TAFA4: variants seen among roughly 807,000 people sequenced by gnomAD.
TAFA4 encodes the protein chemokine-like protein TAFA-4.
In TAFA4, 20 loss-of-function variants were observed where a neutral mutation model predicts 21.1. The observed-to-expected ratio is 0.95, with a 90% CI of 0.67 to 1.38. The LOEUF is 1.38. Among genes scored for constraint, TAFA4 ranks in the 40% most tolerant of loss-of-function variants. TAFA4 has a pLI of 0.00. For missense variants in TAFA4, 211 were observed against 180.9 expected (o/e 1.17, Z -0.95); for synonymous variants, 71 against 67.4 (o/e 1.05, Z -0.26).
intron 3 of TAFA4, among the ~76,000 whole-genome samples, chr3:68,813,866 A>C (rs147697422): frequency 0.37 from 56,187 of 151,890 alleles, 11,171 homozygotes; most frequent in Non-Finnish European, 0.45. Context: ...ACAACAAAAA[A>C]AGAGAATTTT....
At chr3:68,810,005 A>C (rs1703797249) in intron 3 of TAFA4, among the ~76,000 whole-genome samples, 1 of 152,168 alleles carries the variant, frequency 6.6e-6, no homozygotes. Context: ...TTTTCTAATC[A>C]TGATGCCTCT....
At chr3:68,924,210 C>CA (rs1261045764) in intron 1 of TAFA4, among the ~76,000 whole-genome samples, 8 of 152,046 alleles carry the variant, frequency 5.3e-5, no homozygotes, top group African/African-American at 1.9e-4. Flanking sequence ...GCATGACGTG[C>CA]AATAGCCAAA....
chr3:68,824,746 A>G (rs765445095), intron 3 of TAFA4, among the ~76,000 whole-genome samples: 2 of 152,184 alleles, frequency 1.3e-5, no homozygotes, highest in Admixed American at 6.5e-5. Flanking sequence ...ACAGATGACA[A>G]TTTTGAAGCT....
At chr3:68,809,971 C>T (rs1053403642) in intron 3 of TAFA4, among the ~76,000 whole-genome samples, 5 of 152,170 alleles carry the variant, frequency 3.3e-5, no homozygotes, top group Admixed American at 6.5e-5. Flanking sequence ...TTGCTTGTAG[C>T]AGATTTTCAA....
intron 3 of TAFA4, among the ~76,000 whole-genome samples, chr3:68,768,526 A>C (rs1296634357): frequency 2.0e-5 from 3 of 152,170 alleles, no homozygotes; most frequent in Non-Finnish European, 4.4e-5. Context: ...CCATTATGGA[A>C]ACCAGTATGG....
chr3:68,800,375 C>G (rs1228296306), intron 3 of TAFA4, among the ~76,000 whole-genome samples: 3 of 152,176 alleles, frequency 2.0e-5, no homozygotes, highest in African/African-American at 7.2e-5. Context: ...TCTGTTACAA[C>G]AGCAGTAGGA....
At chr3:68,875,533 C>T (rs895151491) in intron 3 of TAFA4, among the ~76,000 whole-genome samples, 2 of 152,006 alleles carry the variant, frequency 1.3e-5, no homozygotes, top group African/African-American at 4.8e-5. Flanking sequence ...GAGTTGCCTG[C>T]ATAGCAATAC....
chr3:68,842,150 T>A (rs1016333311), intron 3 of TAFA4, among the ~76,000 whole-genome samples: 3 of 152,222 alleles, frequency 2.0e-5, no homozygotes, highest in Non-Finnish European at 2.9e-5. Context: ...TGAACTAATT[T>A]ACACTCCCAC....
rs182384062 is a variant in TAFA4, at chr3:68,732,156, A to C, written c.*986T>G. On this transcript the variant is annotated 3_prime_UTR_variant, in exon 6 of 6. Transcript: ENST00000295569. ...AAAATCATTAAGCCAATCAGGACTC[A>C]GATTTTAAAGAAATAAGATGGCTAA... The C allele has an allele frequency of 5.2e-5, 8 of 152,704 alleles. No homozygotes were observed. Among genetic ancestry groups the C allele is most frequent in the Admixed American group, 5.2e-4 (8 of 15,278 alleles). The allele number at this position is 152,704 out of a possible 1,614,324, so 9.5% of individuals were successfully genotyped here.
intron 1 of TAFA4, among the ~76,000 whole-genome samples, chr3:68,922,079 A>G (rs1377908956): frequency 2.0e-5 from 3 of 152,244 alleles, no homozygotes; most frequent in East Asian, 3.8e-4. Flanking sequence ...GCTTACCAAC[A>G]TATGACAAAA....
At chr3:68,909,552 A>G (rs2089937395) in intron 1 of TAFA4, among the ~76,000 whole-genome samples, 1 of 152,120 alleles carries the variant, frequency 6.6e-6, no homozygotes, top group Non-Finnish European at 1.5e-5. Flanking sequence ...CCGCCTCCCC[A>G]ATCTGGAGGA....
intron 3 of TAFA4, among the ~76,000 whole-genome samples, chr3:68,761,217 T>C (rs1175991862): frequency 2.6e-5 from 4 of 152,226 alleles, no homozygotes; most frequent in African/African-American, 9.6e-5. Flanking sequence ...AGTGAACTAC[T>C]TGAAACACTG....
At chr3:68,884,621 C>T (rs1032646835) in intron 2 of TAFA4, among the ~76,000 whole-genome samples, 1 of 152,186 alleles carries the variant, frequency 6.6e-6, no homozygotes, top group Non-Finnish European at 1.5e-5. Flanking sequence ...AATTCATTCC[C>T]AAGACATGCA....
chr3:68,868,115 C>G (rs1450953845), intron 3 of TAFA4, among the ~76,000 whole-genome samples: 1 of 151,928 alleles, frequency 6.6e-6, no homozygotes, highest in East Asian at 1.9e-4. Flanking sequence ...TTCACTTCAC[C>G]TATAAAGACA....
At chr3:68,931,585 A>G (rs2090158301) in intron 1 of TAFA4, among the ~76,000 whole-genome samples, 1 of 152,176 alleles carries the variant, frequency 6.6e-6, no homozygotes, top group African/African-American at 2.4e-5. Context: ...AAAAAGAGCG[A>G]AAGAAATGTA....
intron 3 of TAFA4, among the ~76,000 whole-genome samples, chr3:68,819,592 A>C (rs141660276): frequency 1.3e-5 from 2 of 152,352 alleles, no homozygotes; most frequent in East Asian, 3.9e-4. Flanking sequence ...ATAAGAACTC[A>C]AACAACTCAA....
chr3:68,811,174 G>T (rs1488548313), intron 3 of TAFA4, among the ~76,000 whole-genome samples: 1 of 152,258 alleles, frequency 6.6e-6, no homozygotes, highest in East Asian at 1.9e-4. Context: ...CCATCTGTCG[G>T]TCACCATCAT....
chr3:68,819,873 C>A (rs370359600), intron 3 of TAFA4, among the ~76,000 whole-genome samples: 1 of 152,100 alleles, frequency 6.6e-6, no homozygotes, highest in East Asian at 1.9e-4. Context: ...GAAAACAGTA[C>A]GACATTCCTT....
chr3:68,846,470 T>G (rs945468523), intron 3 of TAFA4, among the ~76,000 whole-genome samples: 4 of 152,054 alleles, frequency 2.6e-5, no homozygotes, highest in Admixed American at 2.6e-4. Flanking sequence ...ACATGCTCCT[T>G]TAGCTCGGAG....
Sources: allele counts gnomAD v4.1 joint callset (sites outside exome capture counted in the v4.1 genomes callset), GRCh38; gene constraint gnomAD v4.1.1; transcripts MANE v1.5; gene names NCBI Gene and HGNC (gene_info 2026-07-23, HGNC 2026-07-21).